PPP2R2C: variants seen among roughly 807,000 people sequenced by gnomAD.
The protein encoded by PPP2R2C is protein phosphatase 2, regulatory subunit B, gamma.
PPP2R2C carries 10 observed loss-of-function variants against 45.3 expected under a neutral mutation model. That is an observed-to-expected ratio of 0.22 (90% CI 0.14 to 0.37). The LOEUF (loss-of-function observed/expected upper bound fraction) is 0.37. PPP2R2C is among the 10% of genes least tolerant of loss of function. The pLI is 1.00. For missense variants in PPP2R2C, 308 were observed against 619.7 expected, an observed-to-expected ratio of 0.50 and a Z score of 5.34; for synonymous variants, 257 against 245.4, an observed-to-expected ratio of 1.05 and a Z score of -0.44.
chr4:6,347,758 A>C (rs1577090132), intron 6 of PPP2R2C, 88 bp downstream of exon 6: 4 of 1,437,402 alleles, frequency 2.8e-6, no homozygotes, highest in Non-Finnish European at 3.7e-6. Context: ...CACACCCACC[A>C]CCCCTGCAGC....
rs756069174 is a variant in PPP2R2C, at chr4:6,329,388, C to T, written c.961-35G>A. 12 of 1,569,404 alleles carry T rather than the reference C, an allele frequency of 7.6e-6. No individual in the cohort carries two copies. The highest frequency in any genetic ancestry group is 3.3e-5 in the South Asian group (3 of 89,860). ...TAAGGGATGAGGTGAGTGGACGGGGCGTCCCGACCATCCTGGCCCTTCCAC... is the reference window on the plus strand; with the variant it reads ...TAAGGGATGAGGTGAGTGGACGGGGTGTCCCGACCATCCTGGCCCTTCCAC... On this transcript the variant is annotated intron_variant, in intron 7 of 8. Transcript: ENST00000382599. The surrounding 1 kb of genome is among the most constrained non-coding windows in gnomAD (Gnocchi z 5.8).
intron 5 of PPP2R2C, among the ~76,000 whole-genome samples, chr4:6,357,386 A>G (rs952030307): frequency 6.6e-6 from 1 of 152,216 alleles, no homozygotes; most frequent in Non-Finnish European, 1.5e-5. Flanking sequence ...TGTTTTCTGC[A>G]AAGAGTCAGA....
intron 5 of PPP2R2C, among the ~76,000 whole-genome samples, chr4:6,367,339 G>A (rs1170896294): frequency 3.9e-5 from 6 of 152,148 alleles, no homozygotes; most frequent in African/African-American, 1.4e-4. Context: ...CAGTGGGCAC[G>A]GAGGACTGAA....
intron 2 of PPP2R2C, among the ~76,000 whole-genome samples, chr4:6,487,586 G>A (rs180868381): frequency 3.9e-5 from 6 of 151,968 alleles, no homozygotes; most frequent in African/African-American, 1.4e-4. Context: ...TATCTTTGCT[G>A]CTTTGTATAT....
At chr4:6,522,202 G>C (rs527495738) in intron 2 of PPP2R2C, among the ~76,000 whole-genome samples, 1 of 152,264 alleles carries the variant, frequency 6.6e-6, no homozygotes, top group African/African-American at 2.4e-5. Flanking sequence ...CCAGGAAGAG[G>C]GTATCTGGGA....
At chr4:6,355,380 C>G (rs1024052561) in intron 5 of PPP2R2C, among the ~76,000 whole-genome samples, 4 of 152,002 alleles carry the variant, frequency 2.6e-5, no homozygotes, top group Admixed American at 6.6e-5. Context: ...TTGTTCAACT[C>G]CCGGGGAGGG....
At chr4:6,348,132 T>C (rs1712176979) in intron 5 of PPP2R2C, 122 bp from the exon 6 acceptor site, 1 of 1,147,142 alleles carries the variant, frequency 8.7e-7, no homozygotes, top group Non-Finnish European at 1.2e-6. Context: ...GCTGCCTCTC[T>C]GTTCCTGAGA....
intron 5 of PPP2R2C, among the ~76,000 whole-genome samples, chr4:6,358,248 T>C (rs1057394071): frequency 3.9e-5 from 6 of 152,204 alleles, no homozygotes; most frequent in African/African-American, 1.4e-4. Context: ...GGATTCCCTA[T>C]TTAATAAATG....
intron 5 of PPP2R2C, among the ~76,000 whole-genome samples, chr4:6,355,508 T>TA (rs1349128336): frequency 9.9e-6 from 1 of 100,860 alleles, no homozygotes; most frequent in Non-Finnish European, 2.0e-5. Context: ...CCCTAAAACT[T>TA]AAAGTATAAT....
chr4:6,326,570 ATCACTGCGGCACCC>A (rs1731960965), intron 8 of PPP2R2C, among the ~76,000 whole-genome samples: 1 of 152,306 alleles, frequency 6.6e-6, no homozygotes, highest in South Asian at 2.1e-4. Flanking sequence ...TCCACGCAGG[ATCACTGCGGCACCC>A]CTGCGCATAC....
chr4:6,464,225 T>G (rs894386121), intron 1 of PPP2R2C, among the ~76,000 whole-genome samples: 5 of 152,260 alleles, frequency 3.3e-5, no homozygotes, highest in Admixed American at 6.5e-5. Context: ...TGAATCATAA[T>G]AATGGCTATT....
chr4:6,452,350 AC>A (rs1453355813), intron 1 of PPP2R2C, among the ~76,000 whole-genome samples: 1 of 151,776 alleles, frequency 6.6e-6, no homozygotes, highest in Non-Finnish European at 1.5e-5. Flanking sequence ...CCTGGGGCCC[AC>A]CCCAGTCCAC....
intron 2 of PPP2R2C, among the ~76,000 whole-genome samples, chr4:6,528,466 C>G (rs13130860): frequency 0.26 from 40,145 of 152,072 alleles, 6,545 homozygotes; most frequent in Admixed American, 0.35. Context: ...CATCAGAGAG[C>G]GTTCCTCCAC....
At chr4:6,404,254 G>A (rs562674465) in intron 1 of PPP2R2C, among the ~76,000 whole-genome samples, 1 of 152,138 alleles carries the variant, frequency 6.6e-6, no homozygotes, top group Non-Finnish European at 1.5e-5. Flanking sequence ...CCCAAAGCCC[G>A]GCTGAAGGTG....
At chr4:6,478,285 C>T (rs1028429287) in intron 2 of PPP2R2C, among the ~76,000 whole-genome samples, 2 of 152,232 alleles carry the variant, frequency 1.3e-5, no homozygotes, top group South Asian at 2.1e-4. Flanking sequence ...CTTCTCGCCT[C>T]CTTCTGTGCC....
chr4:6,516,045 G>A (rs1333689175), intron 2 of PPP2R2C, among the ~76,000 whole-genome samples: 1 of 152,218 alleles, frequency 6.6e-6, no homozygotes, highest in East Asian at 1.9e-4. Flanking sequence ...GCTCCAGTAT[G>A]ACCTGATCTC....
chr4:6,469,319 G>A (rs1721741736), intron 1 of PPP2R2C, among the ~76,000 whole-genome samples: 2 of 152,070 alleles, frequency 1.3e-5, no homozygotes, highest in Non-Finnish European at 2.9e-5. Flanking sequence ...CATTGCAAAC[G>A]CCCTGAAGCA....
chr4:6,466,195 A>C (rs564200217), intron 1 of PPP2R2C, among the ~76,000 whole-genome samples: 160 of 152,346 alleles, frequency 1.1e-3, no homozygotes, highest in Non-Finnish European at 1.7e-3. Context: ...AACACAGGGT[A>C]GCGTGCTGTG....
Position 6,493,912 on chromosome 4 carries a change from T to C in PPP2R2C, c.49+41359A>G, listed in dbSNP as rs565305669. 5.9e-5 allele frequency among the ~76,000 whole-genome samples: 9 copies of C among 152,354 alleles called. No individual in the cohort carries two copies. The East Asian group carries it at 1.5e-3, about 26-fold the overall frequency. On this transcript the variant is annotated intron_variant, in intron 2 of 9. Transcript: ENST00000506140. The stretch of plus-strand genomic sequence containing the variant: ...ACAGCCATAAATCAACAGAACATGC[T>C]GGAATGTTAAAGCAAACCTTCCTGG...
Sources: allele counts gnomAD v4.1 joint callset (sites outside exome capture counted in the v4.1 genomes callset), GRCh38; gene constraint gnomAD v4.1.1; non-coding constraint Gnocchi (gnomAD v3.1); transcripts MANE v1.5; gene names NCBI Gene and HGNC (gene_info 2026-07-23, HGNC 2026-07-21).